The following YPEL1 variants were observed in gnomAD, a reference collection of about 807,000 sequenced individuals.
YPEL1 encodes the protein protein yippee-like 1.
A neutral mutation model predicts 17.3 loss-of-function variants in YPEL1; 7 were observed. The observed-to-expected ratio is 0.40, with a 90% CI of 0.23 to 0.76. The LOEUF (loss-of-function observed/expected upper bound fraction) is 0.76, where lower values mean the gene tolerates loss of function less well. Among genes scored for constraint, YPEL1 ranks in the 30% least tolerant of loss-of-function variants. The pLI is 0.35. For synonymous variants in YPEL1, 59 were observed against 59.6 expected (o/e 0.99, Z 0.05); for missense variants, 91 against 155.5 (o/e 0.59, Z 2.21).
At chr22:21,719,234 A>G (rs2068256781) in intron 1 of YPEL1, among the ~76,000 whole-genome samples, 2 of 152,274 alleles carry the variant, frequency 1.3e-5, no homozygotes, top group South Asian at 4.2e-4. Flanking sequence ...GTGCACGAGG[A>G]TGTCATGTGA....
chr22:21,727,882 A>G (rs2068350383), intron 1 of YPEL1, among the ~76,000 whole-genome samples: 2 of 152,084 alleles, frequency 1.3e-5, no homozygotes, highest in South Asian at 4.1e-4. Context: ...CATCCCCATT[A>G]CTTCCCCGGG....
At chr22:21,715,889 G>A (rs1481463377) in intron 1 of YPEL1, among the ~76,000 whole-genome samples, 3 of 151,412 alleles carry the variant, frequency 2.0e-5, no homozygotes, top group Admixed American at 6.6e-5. Flanking sequence ...TCAGCCTCAC[G>A]AGCACTGGGA....
intron 1 of YPEL1, among the ~76,000 whole-genome samples, chr22:21,719,540 C>T (rs1469564763): frequency 1.3e-5 from 2 of 152,132 alleles, no homozygotes; most frequent in Non-Finnish European, 2.9e-5. Flanking sequence ...CTCCAAGTGA[C>T]TCAAGTAGAG....
intron 1 of YPEL1, 147 bp from the exon 2 acceptor site, chr22:21,711,055 A>G (rs710169): frequency 0.97 from 279,060 of 286,762 alleles, 136,040 homozygotes; most frequent in African/African-American, 1. Context: ...ATGGAGTCTC[A>G]CTCTGTTGCC....
chr22:21,729,700 G>A (rs2068369653), intron 1 of YPEL1, among the ~76,000 whole-genome samples: 1 of 152,182 alleles, frequency 6.6e-6, no homozygotes, highest in Non-Finnish European at 1.5e-5. Flanking sequence ...ACATTCCTAG[G>A]AGCACAGCCC....
Position 21,703,457 on chromosome 22 carries a change from A to G in YPEL1, c.183T>C (p.Pro61=). ...FNSVVNVGCG[P]AEERVLLTGL... is the part of the protein sequence containing the mutation. ...CGGTGAGAAGGACCCTCTCCTCTGC[A>G]GGGCCGCAGCCCACGTTCACCCTGC... The change falls in exon 4 of 5, where the codon CCT becomes CCC. Residue 61 remains proline (P), a synonymous_variant. Coordinates refer to ENST00000339468, the MANE Select transcript of YPEL1 (RefSeq NM_013313.5). The surrounding 1 kb of genome is among the most constrained non-coding windows in gnomAD (Gnocchi z 6.1). 1.2e-6 allele frequency: 2 copies of G among 1,611,212 alleles called. No individual in the cohort carries two copies. Among genetic ancestry groups the G allele is most frequent in the South Asian group, 1.1e-5 (1 of 91,088 alleles).
intron 1 of YPEL1, among the ~76,000 whole-genome samples, chr22:21,718,999 C>A (rs189351677): frequency 1.3e-5 from 2 of 152,272 alleles, no homozygotes; most frequent in South Asian, 4.1e-4. Context: ...GAAGACCTCA[C>A]ATTTAGCGTT....
At chr22:21,715,322 C>T (rs747717626) in intron 1 of YPEL1, among the ~76,000 whole-genome samples, 12 of 151,856 alleles carry the variant, frequency 7.9e-5, no homozygotes, top group East Asian at 2.0e-4. Flanking sequence ...GTGAAAACCC[C>T]GTCTCTATTA....
In YPEL1 at chr22:21,703,397, G is replaced by T; in HGVS notation, c.243C>A (p.Asn81Lys). 6.2e-7 allele frequency: 1 copy of T among 1,613,652 alleles called. No individual in the cohort carries two copies. The stretch of plus-strand genomic sequence containing the variant: ...ATTTCCACCCGAGCGTGGTCTTGCA[G>T]TTCTCGCAGTAGATGTCGGCAACCG... ...LHAVADIYCENCKTTLGWKYE... is the reference protein window; with the variant it reads ...LHAVADIYCEKCKTTLGWKYE... The change falls in exon 4 of 5, where the codon AAC (asparagine) becomes AAA (lysine). Residue 81 changes from asparagine (N) to lysine (K), a missense_variant. By Grantham distance (94) the Asn-to-Lys change is moderately conservative. Coordinates refer to ENST00000339468, the MANE Select transcript of YPEL1 (RefSeq NM_013313.5). This position sits in a 1 kb window ranked among gnomAD's most constrained non-coding sequence, Gnocchi z 6.1.
At chr22:21,714,780 C>T (rs753607356) in intron 1 of YPEL1, among the ~76,000 whole-genome samples, 1 of 151,750 alleles carries the variant, frequency 6.6e-6, no homozygotes, top group Non-Finnish European at 1.5e-5. Flanking sequence ...AATTTTAACA[C>T]TTCTGCTGCC....
In YPEL1 at chr22:21,720,894, T is replaced by C. The variant is rs534152168; in HGVS notation, c.-164-9986A>G. 3.7e-4 allele frequency among the ~76,000 whole-genome samples: 52 copies of C among 139,208 alleles called. No individual in the cohort carries two copies. In the South Asian group the frequency reaches 0.013, roughly 35 times the overall value. 91.3% of individuals were successfully genotyped at this position (139,208 alleles called of 152,430 possible). A position where few individuals can be genotyped will look rare whatever the true frequency, so the allele number is the denominator to read the frequency against. ...TGTGATCTCAGCTTACTGCAAACCC[T>C]GCCTTCTGGGTTCAAGCAATTCTCC... On this transcript the variant is annotated intron_variant, in intron 1 of 4. Coordinates refer to ENST00000339468, the MANE Select transcript of YPEL1 (RefSeq NM_013313.5).
intron 1 of YPEL1, among the ~76,000 whole-genome samples, chr22:21,734,086 G>GGTGTGCACCTGTAGTCCTA (rs2068414245): frequency 6.6e-6 from 1 of 152,208 alleles, no homozygotes; most frequent in South Asian, 2.1e-4. Context: ...CAGTCATGGT[G>GGTGTGCACCTGTAGTCCTA]GTGTGCACCT....
rs1442123234 is a variant in YPEL1, at chr22:21,699,788, C to T, written c.*1341G>A. On this transcript the variant is annotated 3_prime_UTR_variant, in exon 5 of 5. Transcript: ENST00000339468. ...TAGAAAATGAAATCTGACTTTTCCT[C>T]GGTCCAGTGTGTTACTCTATAGACA... is the stretch of plus-strand genomic sequence containing the variant. 1.3e-5 allele frequency: 2 copies of T among 152,686 alleles called. No individual in the cohort carries two copies. The highest frequency in any genetic ancestry group is 2.4e-5 in the African/African-American group (1 of 41,432). 9.5% of individuals were successfully genotyped at this position (152,686 alleles called of 1,614,324 possible). A position where few individuals can be genotyped will look rare whatever the true frequency, so the allele number is the denominator to read the frequency against.
At position 21,703,774 on chromosome 22, in the gene YPEL1, G is replaced by A. The variant is rs527721893; in HGVS notation, c.161+65C>T. 2.6e-6 allele frequency: 4 copies of A among 1,542,532 alleles called. No individual in the cohort carries two copies. Among genetic ancestry groups the A allele is most frequent in the East Asian group, 4.7e-5 (2 of 42,804 alleles). On this transcript the variant is annotated intron_variant, in intron 3 of 4. Transcript: ENST00000339468. This position sits in a 1 kb window ranked among gnomAD's most constrained non-coding sequence, Gnocchi z 6.1. Reference sequence around the variant, plus strand: ...CAGGTGATTCTACACAGGGCACTGTGTAGGTGCCATCCAGGCCGTCCCAGG... The same window carrying A: ...CAGGTGATTCTACACAGGGCACTGTATAGGTGCCATCCAGGCCGTCCCAGG...
At chr22:21,718,839 T>C (rs967468905) in intron 1 of YPEL1, among the ~76,000 whole-genome samples, 6 of 152,102 alleles carry the variant, frequency 3.9e-5, no homozygotes, top group Admixed American at 2.6e-4. Context: ...CTTTCTCCAA[T>C]ATTATGTTAA....
intron 1 of YPEL1, among the ~76,000 whole-genome samples, chr22:21,734,009 G>A (rs1485799210): frequency 6.6e-6 from 1 of 152,122 alleles, no homozygotes; most frequent in Non-Finnish European, 1.5e-5. Context: ...GAGCCTAGGA[G>A]TTCAAGACCA....
intron 1 of YPEL1, among the ~76,000 whole-genome samples, chr22:21,719,142 G>A (rs910499374): frequency 2.0e-5 from 3 of 152,112 alleles, no homozygotes; most frequent in African/African-American, 7.2e-5. Flanking sequence ...GAGGTCATGG[G>A]GACAGGTATC....
chr22:21,715,509 A>G (rs1486894916), intron 1 of YPEL1, among the ~76,000 whole-genome samples: 3 of 149,532 alleles, frequency 2.0e-5, no homozygotes, highest in African/African-American at 7.5e-5. Context: ...AAACAACAAC[A>G]ACAAACAAAC....
chr22:21,710,723 T>C lies in YPEL1; in HGVS notation c.22A>G (p.Lys8Glu), dbSNP rs1045619562. The C allele has an allele frequency of 6.2e-7, 1 of 1,614,136 alleles. No individual in the cohort carries two copies. The highest frequency in any genetic ancestry group is 8.5e-7 in the Non-Finnish European group (1 of 1,180,048). The change falls in exon 2 of 5, where the codon AAA becomes GAA. Residue 8 changes from lysine (K) to glutamate (E), a missense_variant. By Grantham distance (56) the Lys-to-Glu change is moderately conservative. Transcript: ENST00000339468. MVKMTKS[K>E]TFQAYLPNCH... ...TTCGGCAGATACGCTTGGAAAGTTTTGGACTTTGTCATTTTCACCATCTCT... is the reference window on the plus strand; with the variant it reads ...TTCGGCAGATACGCTTGGAAAGTTTCGGACTTTGTCATTTTCACCATCTCT...
Sources: gnomAD v4.1 joint callset for allele counts (sites outside exome capture counted in the v4.1 genomes callset) on GRCh38, gnomAD v4.1.1 for gene constraint, Gnocchi (gnomAD v3.1) non-coding constraint, MANE v1.5 for transcripts, NCBI Gene and HGNC (gene_info 2026-07-23, HGNC 2026-07-21) for gene names.